The following SPAG16 variants were observed in gnomAD, a reference collection of about 807,000 sequenced individuals.
SPAG16 encodes the protein sperm associated antigen 16.
In SPAG16, 86 loss-of-function variants were observed where a neutral mutation model predicts 80.4. That is an observed-to-expected ratio of 1.07 (90% confidence interval 0.90 to 1.28). The LOEUF is 1.28. SPAG16 is among the 50% of genes most tolerant of loss of function. The probability of loss-of-function intolerance (pLI) is 0.00; values close to 1 mark genes in which losing one functional copy is unlikely to be tolerated. For missense variants in SPAG16, 870 were observed against 765.3 expected, an observed-to-expected ratio of 1.14 and a Z score of -1.61; for synonymous variants, 294 against 265.9, an observed-to-expected ratio of 1.11 and a Z score of -1.03.
intron 15 of SPAG16, among the ~76,000 whole-genome samples, chr2:214,407,224 G>A (rs1479606963): frequency 2.0e-5 from 3 of 151,904 alleles, no homozygotes; most frequent in Non-Finnish European, 4.4e-5. Flanking sequence ...TTTATGGAAT[G>A]TGTGTATTCA....
intron 3 of SPAG16, among the ~76,000 whole-genome samples, chr2:213,307,086 C>T (rs1379625374): frequency 3.2e-4 from 48 of 152,178 alleles, no homozygotes; most frequent in Admixed American, 3.1e-3. Flanking sequence ...TTACACTCTA[C>T]CCCTTTGTCA....
At chr2:213,697,451 A>G (rs1056688718) in intron 10 of SPAG16, among the ~76,000 whole-genome samples, 1 of 152,166 alleles carries the variant, frequency 6.6e-6, no homozygotes, top group African/African-American at 2.4e-5. Flanking sequence ...TTCAGATTCC[A>G]ATCTCTGGAA....
At chr2:214,174,244 A>G (rs2056989119) in intron 15 of SPAG16, among the ~76,000 whole-genome samples, 2 of 151,992 alleles carry the variant, frequency 1.3e-5, no homozygotes, top group Admixed American at 1.3e-4. Flanking sequence ...ATTAGACAGG[A>G]GAAGGAAATA....
chr2:213,497,700 C>T (rs1038037121), intron 10 of SPAG16, among the ~76,000 whole-genome samples: 7 of 151,920 alleles, frequency 4.6e-5, no homozygotes, highest in Non-Finnish European at 7.4e-5. Context: ...TGTGTAGTGC[C>T]AACAATACAT....
intron 10 of SPAG16, among the ~76,000 whole-genome samples, chr2:213,490,954 A>AT (rs1032886116): frequency 2.3e-4 from 35 of 151,382 alleles, no homozygotes; most frequent in African/African-American, 7.7e-4. Context: ...TATAGTGAGT[A>AT]TTTTTTTTTC....
At chr2:213,511,193 GA>G (rs1308220888) in intron 10 of SPAG16, among the ~76,000 whole-genome samples, 1 of 152,050 alleles carries the variant, frequency 6.6e-6, no homozygotes, top group Non-Finnish European at 1.5e-5. Flanking sequence ...CATTCAGACT[GA>G]CTTGGCAGAA....
At chr2:213,461,125 G>A (rs2072333176) in intron 9 of SPAG16, among the ~76,000 whole-genome samples, 3 of 152,112 alleles carry the variant, frequency 2.0e-5, no homozygotes, top group Non-Finnish European at 4.4e-5. Context: ...AAGGTATTAT[G>A]CTAGAGAGAG....
At chr2:214,078,141 C>G (rs1288203944) in intron 13 of SPAG16, among the ~76,000 whole-genome samples, 1 of 152,180 alleles carries the variant, frequency 6.6e-6, no homozygotes, top group Admixed American at 6.5e-5. Context: ...AAAGACCCTT[C>G]CACATGCCTC....
intron 13 of SPAG16, among the ~76,000 whole-genome samples, chr2:214,104,772 G>C (rs1032091187): frequency 3.3e-5 from 5 of 152,228 alleles, no homozygotes; most frequent in East Asian, 1.9e-4. Context: ...CAGCAGGAAA[G>C]AGGGGACTCA....
At chr2:214,219,438 T>G (rs953134163) in intron 15 of SPAG16, among the ~76,000 whole-genome samples, 1 of 152,152 alleles carries the variant, frequency 6.6e-6, no homozygotes. Context: ...TATTTACTTA[T>G]GTAAAATTTT....
chr2:213,754,867 A>C (rs1376474988), intron 10 of SPAG16, among the ~76,000 whole-genome samples: 1 of 152,230 alleles, frequency 6.6e-6, no homozygotes, highest in Non-Finnish European at 1.5e-5. Flanking sequence ...TTCCGAAGGC[A>C]ACTTATTATA....
rs3043764 is a variant in SPAG16, at chr2:214,149,096, T to TATATATATATATAC, written c.1594-43_1594-42insTATATATATATACA. On this transcript the variant is annotated intron_variant, in intron 14 of 15. Transcript: ENST00000331683. ...GTGTGTGTATATATATATATATATATACATACATACACATTTTATTTTTGT... is the reference window on the plus strand; with the variant it reads ...GTGTGTGTATATATATATATATATATATATATATATATACACATACATACACATTTTATTTTTGT... 228 of 750,218 alleles carry TATATATATATATAC rather than the reference T, an allele frequency of 3.0e-4. 1 individual carries two copies. In the East Asian group the frequency reaches 4.4e-3, roughly 14 times the overall value. 46.5% of individuals were successfully genotyped at this position (750,218 alleles called of 1,614,324 possible). A position where few individuals can be genotyped will look rare whatever the true frequency, so the allele number is the denominator to read the frequency against.
At chr2:214,356,393 T>C (rs761040483) in intron 15 of SPAG16, among the ~76,000 whole-genome samples, 32 of 142,900 alleles carry the variant, frequency 2.2e-4, no homozygotes, top group Non-Finnish European at 4.4e-4. Context: ...TGGAAGACAG[T>C]GGAGAAATAT....
At chr2:213,798,327 C>T (rs1383334819) in intron 10 of SPAG16, among the ~76,000 whole-genome samples, 1 of 152,140 alleles carries the variant, frequency 6.6e-6, no homozygotes, top group Non-Finnish European at 1.5e-5. Context: ...AATCTTGGCT[C>T]ACTACAACCT....
intron 13 of SPAG16, among the ~76,000 whole-genome samples, chr2:214,100,442 CATGT>C (rs1366671182): frequency 1.3e-5 from 2 of 151,950 alleles, no homozygotes; most frequent in South Asian, 2.1e-4. Context: ...AGGTAAATTG[CATGT>C]CACAGGGATT....
chr2:214,084,068 T>A (rs1442888216), intron 13 of SPAG16, among the ~76,000 whole-genome samples: 3 of 152,138 alleles, frequency 2.0e-5, no homozygotes, highest in Non-Finnish European at 1.5e-5. Flanking sequence ...ACATTTATAC[T>A]CTTTATTTTC....
chr2:214,046,854 A>G (rs1120124), intron 13 of SPAG16, among the ~76,000 whole-genome samples: 41,479 of 151,808 alleles, frequency 0.27, 6,136 homozygotes, highest in Middle Eastern at 0.31. Context: ...CAGGATAAAA[A>G]ATTAATATAC....
chr2:214,372,828 C>A (rs113316528), intron 15 of SPAG16, among the ~76,000 whole-genome samples: 41 of 152,200 alleles, frequency 2.7e-4, no homozygotes, highest in African/African-American at 9.4e-4. Flanking sequence ...TGTTCACTTC[C>A]CCCCACCCCA....
At chr2:213,350,699 A>G in intron 7 of SPAG16, 54 bp downstream of exon 7, 1 of 1,025,938 alleles carries the variant, frequency 9.7e-7, no homozygotes, top group Non-Finnish European at 1.4e-6. Context: ...TTTTTTTAAT[A>G]ATACAAGTAG....
Sources: allele counts gnomAD v4.1 joint callset (sites outside exome capture counted in the v4.1 genomes callset), GRCh38; gene constraint gnomAD v4.1.1; transcripts MANE v1.5; gene names NCBI Gene and HGNC (gene_info 2026-07-23, HGNC 2026-07-21).